SLCO6A1: variants seen among roughly 807,000 people sequenced by gnomAD.
SLCO6A1 encodes solute carrier organic anion transporter family member 6A1, also known as cancer/testis antigen 48.
Under a neutral mutation model 72.7 loss-of-function variants are expected in SLCO6A1, and 65 were observed. That is an observed-to-expected ratio of 0.89 (90% confidence interval 0.73 to 1.10). SLCO6A1 has a LOEUF of 1.10. Among genes scored for constraint, SLCO6A1 ranks in the 50% least tolerant of loss-of-function variants. The probability of loss-of-function intolerance (pLI) is 0.00; values close to 1 mark genes in which losing one functional copy is unlikely to be tolerated. For synonymous variants in SLCO6A1, 314 were observed against 298.2 expected (o/e 1.05, Z -0.55); for missense variants, 874 against 872.6 (o/e 1.00, Z -0.02).
intron 1 of SLCO6A1, among the ~76,000 whole-genome samples, chr5:102,491,589 G>T (rs1176151424): frequency 1.3e-5 from 2 of 152,260 alleles, no homozygotes; most frequent in African/African-American, 4.8e-5. Context: ...TGCTGGCCCA[G>T]GTGCTAAGCC....
At chr5:102,480,002 A>T (rs1033600961) in intron 2 of SLCO6A1, among the ~76,000 whole-genome samples, 175 bp downstream of exon 2, 4 of 152,242 alleles carry the variant, frequency 2.6e-5, no homozygotes, top group African/African-American at 9.6e-5. Context: ...CTGTGATGAC[A>T]TATATGTCCA....
chr5:102,448,684 T>C (rs1216776832), intron 6 of SLCO6A1, among the ~76,000 whole-genome samples: 2 of 152,332 alleles, frequency 1.3e-5, no homozygotes, highest in East Asian at 1.9e-4. Flanking sequence ...GAAATAAGAA[T>C]AGCAATCCCT....
At chr5:102,408,238 T>TTC (rs58951504) in intron 9 of SLCO6A1, among the ~76,000 whole-genome samples, 42,966 of 151,330 alleles carry the variant, frequency 0.28, 6,260 homozygotes, top group South Asian at 0.35. Flanking sequence ...TATGTGAAGA[T>TTC]TCTCTCTCTC....
chr5:102,438,521 T>C, intron 7 of SLCO6A1, 96 bp downstream of exon 7: 1 of 1,002,676 alleles, frequency 1.0e-6, no homozygotes, highest in South Asian at 1.9e-5. Flanking sequence ...TCTAGGTATA[T>C]AATTCTTTAT....
At chr5:102,485,715 C>T (rs949697374) in intron 1 of SLCO6A1, among the ~76,000 whole-genome samples, 2 of 152,174 alleles carry the variant, frequency 1.3e-5, no homozygotes, top group Admixed American at 6.5e-5. Flanking sequence ...TCCCATGTGC[C>T]TTTTCCCTCA....
At chr5:102,390,217 G>A (rs977553304) in intron 11 of SLCO6A1, among the ~76,000 whole-genome samples, 4 of 152,072 alleles carry the variant, frequency 2.6e-5, no homozygotes, top group Non-Finnish European at 4.4e-5. Flanking sequence ...TCCGATGCAG[G>A]AAACTTCCTG....
chr5:102,389,588 G>A (rs184957222), intron 11 of SLCO6A1, among the ~76,000 whole-genome samples: 6 of 151,636 alleles, frequency 4.0e-5, no homozygotes, highest in Admixed American at 2.6e-4. Flanking sequence ...TTGCCAATGT[G>A]CATTATCTAG....
At chr5:102,446,882 G>C (rs1750139514) in intron 6 of SLCO6A1, among the ~76,000 whole-genome samples, 1 of 152,094 alleles carries the variant, frequency 6.6e-6, no homozygotes, top group East Asian at 1.9e-4. Context: ...AGCCTCCCAA[G>C]TGGCTGGGAT....
chr5:102,381,209 C>A (rs1253279004), intron 12 of SLCO6A1, among the ~76,000 whole-genome samples: 1 of 151,610 alleles, frequency 6.6e-6, no homozygotes, highest in Non-Finnish European at 1.5e-5. Context: ...ATTTTATATC[C>A]TTTGACCAAT....
chr5:102,484,411 AG>A (rs1752349928), intron 1 of SLCO6A1, among the ~76,000 whole-genome samples: 1 of 152,114 alleles, frequency 6.6e-6, no homozygotes, highest in South Asian at 2.1e-4. Flanking sequence ...GCAGTTTGGG[AG>A]GCCGAGATGG....
Position 102,498,571 on chromosome 5 carries a change from C to G in SLCO6A1, c.274G>C (p.Gly92Arg). ...TCACAGCAGGTGCTGACTAAGCAGC[C>G]CAAACCACAGGGCTGCTCCAAACTG... ...DDSLEQPCGL[G>R]CLVSTCCECC... The change falls in exon 1 of 14, where the codon GGC becomes CGC. Residue 92 changes from glycine to arginine, a missense_variant. Gly to Arg is a moderately radical substitution (Grantham distance 125). Transcript: ENST00000506729. 1 of 1,614,230 alleles carries G rather than the reference C, an allele frequency of 6.2e-7. No individual in the cohort carries two copies. Among genetic ancestry groups the G allele is most frequent in the Non-Finnish European group, 8.5e-7 (1 of 1,180,032 alleles).
At chr5:102,492,938 T>C (rs1279731902) in intron 1 of SLCO6A1, among the ~76,000 whole-genome samples, 1 of 152,138 alleles carries the variant, frequency 6.6e-6, no homozygotes, top group Non-Finnish European at 1.5e-5. Context: ...CCTGCCTGCC[T>C]CTGTAGACTC....
chr5:102,419,287 A>C (rs961043946), intron 8 of SLCO6A1, among the ~76,000 whole-genome samples: 1 of 152,196 alleles, frequency 6.6e-6, no homozygotes, highest in Non-Finnish European at 1.5e-5. Flanking sequence ...TTGTTGCTCA[A>C]AGTAGAAGTC....
At chr5:102,445,143 C>T (rs1750040014) in intron 6 of SLCO6A1, among the ~76,000 whole-genome samples, 1 of 152,152 alleles carries the variant, frequency 6.6e-6, no homozygotes, top group Non-Finnish European at 1.5e-5. Context: ...TGAGGAATTG[C>T]CACACTGCTT....
intron 7 of SLCO6A1, among the ~76,000 whole-genome samples, chr5:102,424,090 G>A (rs184081703): frequency 2.0e-5 from 3 of 150,626 alleles, no homozygotes; most frequent in South Asian, 4.2e-4. Flanking sequence ...ACTAAGACAA[G>A]GTACCAGAAT....
In SLCO6A1 at chr5:102,417,991, G is replaced by A. The variant is rs536704710; in HGVS notation, c.1472+1835C>T. Among the ~76,000 whole-genome samples, 141 of 86,606 alleles carry A rather than the reference G, an allele frequency of 1.6e-3. 1 individual carries two copies. The highest frequency in any genetic ancestry group is 2.9e-3 in the Non-Finnish European group (116 of 39,800). 56.8% of individuals were successfully genotyped at this position (86,606 alleles called of 152,430 possible). ...GCTTGGGTGACAAGAGCGAAACTCC[G>A]TCAAAAAAAAAAAATTACTTACTTT... On this transcript the variant is annotated intron_variant, in intron 8 of 13. Transcript: ENST00000506729.
chr5:102,383,153 A>G (rs1746220677), intron 12 of SLCO6A1, among the ~76,000 whole-genome samples: 1 of 146,996 alleles, frequency 6.8e-6, no homozygotes, highest in African/African-American at 2.5e-5. Context: ...AAGAGAAACT[A>G]TTTTGCTTCC....
In SLCO6A1 at chr5:102,477,841, C is replaced by T; in HGVS notation, c.637G>A (p.Val213Ile). The T allele has an allele frequency of 4.4e-6, 7 of 1,599,832 alleles. No individual in the cohort carries two copies. The highest frequency in any genetic ancestry group is 6.0e-6 in the Non-Finnish European group (7 of 1,174,768). ...CCACTGCTCTGGCAACCACTGACAA[C>T]CTTTATTTCTTCGCAAATATCTTTT... is the stretch of plus-strand genomic sequence containing the variant. ...GIEDICEEIKVVSGCQSSGIS... is the reference protein window; with the variant it reads ...GIEDICEEIKIVSGCQSSGIS... The change falls in exon 3 of 14, where the codon GTT becomes ATT. Residue 213 changes from valine to isoleucine, a missense_variant. Coordinates refer to ENST00000506729, the MANE Select transcript of SLCO6A1 (RefSeq NM_173488.5).
At chr5:102,425,135 T>TATTTATG (rs1748820104) in intron 7 of SLCO6A1, among the ~76,000 whole-genome samples, 1 of 152,166 alleles carries the variant, frequency 6.6e-6, no homozygotes, top group Non-Finnish European at 1.5e-5. Context: ...TAATAAGAGC[T>TATTTATG]ATTTATGATA....
Sources: allele counts gnomAD v4.1 joint callset (sites outside exome capture counted in the v4.1 genomes callset), GRCh38; gene constraint gnomAD v4.1.1; transcripts MANE v1.5; gene names NCBI Gene and HGNC (gene_info 2026-07-23, HGNC 2026-07-21).